CLSTN2: variants seen among roughly 807,000 people sequenced by gnomAD.
CLSTN2 encodes calsyntenin 2.
CLSTN2 carries 48 observed loss-of-function variants against 101.2 expected under a neutral mutation model. That is an observed-to-expected ratio of 0.47 (90% CI 0.38 to 0.60). The LOEUF (loss-of-function observed/expected upper bound fraction) is 0.60, where lower values mean the gene tolerates loss of function less well. Ranked by LOEUF, CLSTN2 falls within the 20% of genes least tolerant of loss-of-function variation. The probability of loss-of-function intolerance (pLI) is 0.00; values close to 1 mark genes in which losing one functional copy is unlikely to be tolerated. For synonymous variants in CLSTN2, 481 were observed against 463.6 expected (o/e 1.04, Z -0.48); for missense variants, 1,160 against 1,238.2 (o/e 0.94, Z 0.95).
chr3:140,419,761 G>A lies in CLSTN2; in HGVS notation c.638-1364G>A, dbSNP rs558631009. ...TATACGTATATATACACATATACGTGTATACACGTGTATACACGTATATAC... is the reference window on the plus strand; with the variant it reads ...TATACGTATATATACACATATACGTATATACACGTGTATACACGTATATAC... On this transcript the variant is annotated intron_variant, in intron 4 of 16. Coordinates refer to ENST00000458420, the MANE Select transcript of CLSTN2 (RefSeq NM_022131.3). Among the ~76,000 whole-genome samples, 59 of 61,722 alleles carry A rather than the reference G, an allele frequency of 9.6e-4. 16 individuals carry two copies. The highest frequency in any genetic ancestry group is 0.021 in the Middle Eastern group (2 of 96). The allele number at this position is 61,722 out of a possible 152,430, so 40.5% of individuals were successfully genotyped here.
chr3:140,359,031 G>A (rs771626689), intron 2 of CLSTN2, among the ~76,000 whole-genome samples: 2 of 151,740 alleles, frequency 1.3e-5, no homozygotes, highest in South Asian at 2.1e-4. Context: ...AGATCCTGTC[G>A]TTCAAAGTGT....
chr3:140,320,583 T>A (rs1015112631), intron 2 of CLSTN2, among the ~76,000 whole-genome samples: 1 of 147,648 alleles, frequency 6.8e-6, no homozygotes, highest in African/African-American at 2.5e-5. Context: ...GTAATGCCCA[T>A]GCTTCCATTG....
chr3:140,250,872 CT>C (rs202215229), intron 2 of CLSTN2, among the ~76,000 whole-genome samples: 3 of 151,972 alleles, frequency 2.0e-5, no homozygotes, highest in Admixed American at 6.6e-5. Flanking sequence ...TCAAAGGTTG[CT>C]TTTTTTTGGT....
At chr3:140,071,994 A>G (rs2107777178) in intron 1 of CLSTN2, among the ~76,000 whole-genome samples, 1 of 152,316 alleles carries the variant, frequency 6.6e-6, no homozygotes, top group African/African-American at 2.4e-5. Flanking sequence ...TGTCAAGGGT[A>G]TGTTGAAATA....
chr3:140,368,907 G>A (rs1418682110), intron 2 of CLSTN2, among the ~76,000 whole-genome samples: 1 of 152,164 alleles, frequency 6.6e-6, no homozygotes, highest in African/African-American at 2.4e-5. Context: ...ATTTTCTTAC[G>A]GTGTTCTGGG....
intron 2 of CLSTN2, among the ~76,000 whole-genome samples, chr3:140,340,427 GA>G (rs1421486442): frequency 1.3e-5 from 2 of 152,218 alleles, no homozygotes; most frequent in East Asian, 3.9e-4. Flanking sequence ...TATACCCATA[GA>G]ATGATTGTAT....
chr3:139,942,731 C>A (rs759980542), intron 1 of CLSTN2, among the ~76,000 whole-genome samples: 5 of 152,056 alleles, frequency 3.3e-5, no homozygotes, highest in Non-Finnish European at 5.9e-5. Context: ...AGCAGCAGAT[C>A]AAAAATCAGG....
intron 8 of CLSTN2, among the ~76,000 whole-genome samples, chr3:140,526,606 AAC>A (rs1935145234): frequency 6.7e-6 from 1 of 150,312 alleles, no homozygotes; most frequent in Non-Finnish European, 1.5e-5. Context: ...AAAAAAAAAA[AAC>A]AACCACAGCA....
chr3:140,053,223 G>A (rs1305466432), intron 1 of CLSTN2, among the ~76,000 whole-genome samples: 5 of 152,276 alleles, frequency 3.3e-5, no homozygotes, highest in East Asian at 3.9e-4. Flanking sequence ...GTAATTTCAC[G>A]CTTCTGGCTC....
chr3:140,176,070 G>T lies in CLSTN2; in HGVS notation c.229G>T (p.Ala77Ser). Residue 77 changes from alanine (A) to serine (S), a missense_variant, in exon 2 of 17, where the codon GCA (alanine) becomes TCA (serine). Ala to Ser is a moderately conservative substitution (Grantham distance 99). Transcript: ENST00000458420. ...ALDKDAPVPF[A>S]GEICAFKIHG... ...GGATAAAGATGCACCGGTTCCTTTT[G>T]CAGGTGAGATTATGGCTTCGTACGG... is the stretch of plus-strand genomic sequence containing the variant. The T allele has an allele frequency of 6.2e-7, 1 of 1,613,714 alleles. No individual in the cohort carries two copies. The highest frequency in any genetic ancestry group is 1.1e-5 in the South Asian group (1 of 91,042).
At chr3:140,123,515 A>G (rs2009378162) in intron 1 of CLSTN2, among the ~76,000 whole-genome samples, 1 of 152,158 alleles carries the variant, frequency 6.6e-6, no homozygotes, top group Non-Finnish European at 1.5e-5. Context: ...AGCATGCGGG[A>G]TACCTCAGAG....
intron 8 of CLSTN2, among the ~76,000 whole-genome samples, chr3:140,504,036 A>G (rs1402687277): frequency 3.3e-5 from 5 of 152,182 alleles, no homozygotes; most frequent in Non-Finnish European, 1.5e-5. Context: ...CAGGCATAAG[A>G]ATCAATGCCC....
At chr3:140,240,930 G>A (rs536195241) in intron 2 of CLSTN2, among the ~76,000 whole-genome samples, 7 of 152,206 alleles carry the variant, frequency 4.6e-5, no homozygotes, top group African/African-American at 1.2e-4. Context: ...CAACTAAGAG[G>A]CTGAGGTGGG....
At chr3:140,533,649 C>A (rs968128216) in intron 9 of CLSTN2, among the ~76,000 whole-genome samples, 1 of 146,632 alleles carries the variant, frequency 6.8e-6, no homozygotes, top group African/African-American at 2.6e-5. Context: ...AGGTGGAGCT[C>A]GCAGTGAGCC....
chr3:140,141,692 C>T (rs895525328), intron 1 of CLSTN2, among the ~76,000 whole-genome samples: 13 of 152,192 alleles, frequency 8.5e-5, no homozygotes, highest in African/African-American at 2.7e-4. Context: ...TTATGCTGCC[C>T]GGGAACCCAG....
intron 2 of CLSTN2, among the ~76,000 whole-genome samples, chr3:140,304,466 C>T (rs181299685): frequency 6.6e-6 from 1 of 152,320 alleles, no homozygotes. Context: ...GTTGTATGTT[C>T]ATAACGGCAG....
intron 9 of CLSTN2, among the ~76,000 whole-genome samples, chr3:140,543,072 A>G (rs562369847): frequency 6.6e-6 from 1 of 152,190 alleles, no homozygotes; most frequent in Admixed American, 6.5e-5. Context: ...AGTTTTATGA[A>G]GATTCCATGA....
chr3:140,457,433 A>G lies in CLSTN2; in HGVS notation c.974-2088A>G, dbSNP rs183512250. On this transcript the variant is annotated intron_variant, in intron 6 of 16. Transcript: ENST00000458420. ...TATTCCAGGGGTACTAGGAAAATGC[A>G]CTTTCCCCAAAAAACCATGTATCTC... 1.4e-3 allele frequency among the ~76,000 whole-genome samples: 213 copies of G among 152,338 alleles called. 1 individual carries two copies. The highest frequency in any genetic ancestry group is 2.7e-3 in the Non-Finnish European group (183 of 68,028).
intron 2 of CLSTN2, among the ~76,000 whole-genome samples, chr3:140,206,775 T>TA (rs2010788392): frequency 6.6e-6 from 1 of 152,154 alleles, no homozygotes; most frequent in Non-Finnish European, 1.5e-5. Flanking sequence ...AATCTCTGGG[T>TA]AGAGAGAGTC....
Sources: gnomAD v4.1 joint callset for allele counts (sites outside exome capture counted in the v4.1 genomes callset) on GRCh38, gnomAD v4.1.1 for gene constraint, MANE v1.5 for transcripts, NCBI Gene and HGNC (gene_info 2026-07-23, HGNC 2026-07-21) for gene names.